PARL: variants seen among roughly 807,000 people sequenced by gnomAD.
The protein encoded by PARL is presenilin associated rhomboid like.
In PARL, 44 loss-of-function variants were observed where a neutral mutation model predicts 51.6. The ratio of observed to expected loss-of-function variants is 0.85; its 90% CI spans 0.67 to 1.10. PARL has a LOEUF of 1.10. PARL is among the 50% of genes least tolerant of loss of function. The probability of loss-of-function intolerance (pLI) is 0.00; values close to 1 mark genes in which losing one functional copy is unlikely to be tolerated. For synonymous variants in PARL, 172 were observed against 164.0 expected, an observed-to-expected ratio of 1.05 and a Z score of -0.37; for missense variants, 441 against 469.5, an observed-to-expected ratio of 0.94 and a Z score of 0.56.
chr3:183,840,083 T>C (rs1560380139), intron 7 of PARL, among the ~76,000 whole-genome samples: 1 of 152,100 alleles, frequency 6.6e-6, no homozygotes, highest in Non-Finnish European at 1.5e-5. Flanking sequence ...GGCAGGAGCC[T>C]TTTTTGTTGT....
intron 4 of PARL, among the ~76,000 whole-genome samples, chr3:183,860,623 C>T (rs1427194479): frequency 6.6e-6 from 1 of 152,158 alleles, no homozygotes; most frequent in African/African-American, 2.4e-5. Flanking sequence ...TTAATTACCT[C>T]TAGCTTCTTT....
intron 4 of PARL, among the ~76,000 whole-genome samples, chr3:183,854,614 G>GA (rs1730925369): frequency 1.3e-5 from 2 of 152,014 alleles, no homozygotes; most frequent in East Asian, 3.9e-4. Flanking sequence ...TGTTTAATGA[G>GA]TAGAGTTTCA....
intron 4 of PARL, among the ~76,000 whole-genome samples, chr3:183,853,665 G>A (rs533539543): frequency 1.5e-4 from 23 of 152,266 alleles, no homozygotes; most frequent in African/African-American, 5.1e-4. Context: ...CAACGAGCAC[G>A]TGAAAAGATG....
In PARL at chr3:183,833,571, C is replaced by T. The variant is rs777761061; in HGVS notation, c.949G>A (p.Ala317Thr). The T allele has an allele frequency of 3.0e-5, 48 of 1,613,152 alleles. No individual in the cohort carries two copies. The East Asian group carries it at 7.8e-4, about 26-fold the overall frequency. ...TAGNALKAIIAMDTAGMILGW... is the reference protein window; with the variant it reads ...TAGNALKAIITMDTAGMILGW... ...AGGATCATTCCTGCTGTATCCATGGCGATAATGGCTTTCAGGGCCTGAAAG... is the reference window on the plus strand; with the variant it reads ...AGGATCATTCCTGCTGTATCCATGGTGATAATGGCTTTCAGGGCCTGAAAG... The change falls in exon 9 of 10, where the codon GCC becomes ACC. Residue 317 changes from alanine (A) to threonine (T), a missense_variant. Coordinates refer to ENST00000317096, the MANE Select transcript of PARL (RefSeq NM_018622.7).
At chr3:183,853,114 A>ATT in intron 4 of PARL, among the ~76,000 whole-genome samples, 1 of 152,246 alleles carries the variant, frequency 6.6e-6, no homozygotes, top group Non-Finnish European at 1.5e-5. Context: ...GCAACAAAAG[A>ATT]AAAAATAGAC....
chr3:183,874,289 C>T (rs1439957955), intron 1 of PARL, among the ~76,000 whole-genome samples: 1 of 152,106 alleles, frequency 6.6e-6, no homozygotes, highest in Non-Finnish European at 1.5e-5. Flanking sequence ...TCTTTGGACC[C>T]CCCTATTCCT....
At chr3:183,837,612 C>G (rs1489314407) in intron 7 of PARL, among the ~76,000 whole-genome samples, 1 of 152,204 alleles carries the variant, frequency 6.6e-6, no homozygotes, top group Non-Finnish European at 1.5e-5. Flanking sequence ...GCAAAGGCGG[C>G]TGAGTGAGGA....
chr3:183,858,884 T>A (rs1049969408), intron 4 of PARL, among the ~76,000 whole-genome samples: 2 of 152,140 alleles, frequency 1.3e-5, no homozygotes, highest in East Asian at 3.9e-4. Flanking sequence ...GGGGAGATTA[T>A]TTCTGTGTAA....
chr3:183,881,636 T>C (rs1419083005), intron 1 of PARL, among the ~76,000 whole-genome samples: 3 of 152,208 alleles, frequency 2.0e-5, no homozygotes, highest in Admixed American at 2.0e-4. Flanking sequence ...TGTGTACCTG[T>C]AGTCCTTGCT....
chr3:183,837,471 C>T (rs937270433), intron 7 of PARL, among the ~76,000 whole-genome samples: 4 of 152,332 alleles, frequency 2.6e-5, no homozygotes, highest in South Asian at 2.1e-4. Flanking sequence ...GCCTAACAGG[C>T]GGTGTCAGCG....
chr3:183,843,738 G>A (rs769815195), intron 5 of PARL, among the ~76,000 whole-genome samples: 1 of 152,156 alleles, frequency 6.6e-6, no homozygotes, highest in East Asian at 1.9e-4. Flanking sequence ...GGCTGAGGCA[G>A]GAGAATGGCA....
chr3:183,848,578 A>G (rs1730222601), intron 4 of PARL, among the ~76,000 whole-genome samples: 1 of 152,202 alleles, frequency 6.6e-6, no homozygotes, highest in Non-Finnish European at 1.5e-5. Context: ...AAACCGAGGT[A>G]GCTGGTAGAA....
At chr3:183,862,479 A>G (rs2108664578) in intron 4 of PARL, 2 of 406,708 alleles carry the variant, frequency 4.9e-6, no homozygotes, top group South Asian at 3.4e-5. Flanking sequence ...AAGGGAAGTA[A>G]TAATTAATAA....
chr3:183,849,992 T>A (rs12107073), intron 4 of PARL, among the ~76,000 whole-genome samples: 3 of 151,996 alleles, frequency 2.0e-5, no homozygotes, highest in Non-Finnish European at 4.4e-5. Flanking sequence ...CTCGAAGAAA[T>A]AGAAAATCTG....
intron 6 of PARL, among the ~76,000 whole-genome samples, chr3:183,841,123 C>G (rs1729261846): frequency 6.6e-6 from 1 of 152,142 alleles, no homozygotes; most frequent in African/African-American, 2.4e-5. Flanking sequence ...GGCTGTACTC[C>G]AGACACACGA....
intron 4 of PARL, among the ~76,000 whole-genome samples, chr3:183,847,824 A>G (rs1730131806): frequency 6.6e-6 from 1 of 152,190 alleles, no homozygotes; most frequent in South Asian, 2.1e-4. Context: ...AAGATAGTAC[A>G]TGCACCTAGC....
chr3:183,882,426 G>A (rs986134838), intron 1 of PARL, among the ~76,000 whole-genome samples: 1 of 149,572 alleles, frequency 6.7e-6, no homozygotes, highest in Non-Finnish European at 1.5e-5. Context: ...TAGAGAGAGA[G>A]AGAGAGAGAA....
chr3:183,828,799 T>A (rs775963743), downstream of PARL, among the ~76,000 whole-genome samples: 2 of 152,190 alleles, frequency 1.3e-5, no homozygotes, highest in Non-Finnish European at 2.9e-5. Flanking sequence ...ATCAAAAGAC[T>A]AAAAATTCTC....
chr3:183,880,222 G>A (rs1056385597), intron 1 of PARL, among the ~76,000 whole-genome samples: 2 of 152,148 alleles, frequency 1.3e-5, no homozygotes, highest in African/African-American at 2.4e-5. Context: ...TAAAATGGAT[G>A]GGGATGGGAA....
Sources: gnomAD v4.1 joint callset for allele counts (sites outside exome capture counted in the v4.1 genomes callset) on GRCh38, gnomAD v4.1.1 for gene constraint, MANE v1.5 for transcripts, NCBI Gene and HGNC (gene_info 2026-07-23, HGNC 2026-07-21) for gene names.